The following SCN2A variants were observed in gnomAD, a reference collection of about 807,000 sequenced individuals.
SCN2A encodes the protein sodium voltage-gated channel alpha subunit 2, also known as sodium channel protein type 2 subunit alpha.
A neutral mutation model predicts 188.7 loss-of-function variants in SCN2A; 20 were observed. That is an observed-to-expected ratio of 0.11 (90% confidence interval 0.07 to 0.15). The LOEUF (loss-of-function observed/expected upper bound fraction) is 0.15, where lower values mean the gene tolerates loss of function less well. Among genes scored for constraint, SCN2A ranks in the 10% least tolerant of loss-of-function variants. The probability of loss-of-function intolerance (pLI) is 1.00; values close to 1 mark genes in which losing one functional copy is unlikely to be tolerated. For missense variants in SCN2A, 1,278 were observed against 2,445.0 expected (o/e 0.52, Z 10.07); for synonymous variants, 804 against 833.1 (o/e 0.97, Z 0.60).
intron 1 of SCN2A, among the ~76,000 whole-genome samples, chr2:165,240,714 G>A (rs1482995917): frequency 7.5e-6 from 1 of 133,384 alleles, no homozygotes; most frequent in African/African-American, 2.7e-5. Flanking sequence ...GGTGGCAGGC[G>A]GTGGAGGTGC....
At position 165,354,552 on chromosome 2, in the gene SCN2A, T is replaced by C; in HGVS notation, c.3280T>C (p.Ser1094Pro). ...KYVVDESDYMSFINNPSLTVT... is the reference protein window; with the variant it reads ...KYVVDESDYMPFINNPSLTVT... ...TGTCGTGGATGAAAGTGATTACATG[T>C]CATTTATAAACAACCCTAGCCTCAC... is the stretch of plus-strand genomic sequence containing the variant. The change falls in exon 17 of 27, where the codon TCA (serine) becomes CCA (proline). Residue 1094 changes from serine (S) to proline (P), a missense_variant. Around this residue, in one of 17 missense-constraint regions of SCN2A, gnomAD observed 228 missense variants for 297.3 expected, o/e 0.77. Coordinates refer to ENST00000375437, the MANE Select transcript of SCN2A (RefSeq NM_001040142.2). 6.2e-7 allele frequency: 1 copy of C among 1,614,126 alleles called. No homozygotes were observed. Among genetic ancestry groups the C allele is most frequent in the Non-Finnish European group, 8.5e-7 (1 of 1,179,990 alleles).
intron 19 of SCN2A, among the ~76,000 whole-genome samples, chr2:165,368,924 T>TTTATTA (rs36023130): frequency 5.3e-5 from 8 of 151,094 alleles, no homozygotes; most frequent in Non-Finnish European, 8.9e-5. Context: ...TTTCTTTACC[T>TTTATTA]TTATTATTAT....
chr2:165,354,790 G>C, intron 17 of SCN2A, 119 bp downstream of exon 17: 1 of 993,358 alleles, frequency 1.0e-6, no homozygotes, highest in Non-Finnish European at 1.5e-6. Flanking sequence ...TATCTGTCTA[G>C]CAATATATTT....
At chr2:165,307,816 A>C (rs200618917) in intron 3 of SCN2A, 32 bp from the exon 4 acceptor site, 2 of 1,477,048 alleles carry the variant, frequency 1.4e-6, no homozygotes, top group Non-Finnish European at 1.9e-6. Flanking sequence ...AGATTTTTCC[A>C]TTGAACTTTG....
chr2:165,279,454 G>A (rs546627471), intron 1 of SCN2A, among the ~76,000 whole-genome samples: 1 of 152,136 alleles, frequency 6.6e-6, no homozygotes, highest in Non-Finnish European at 1.5e-5. Context: ...TGAAAGCTAA[G>A]ATCAGAGCAC....
At chr2:165,326,021 A>G (rs942940212) in intron 12 of SCN2A, among the ~76,000 whole-genome samples, 5 of 152,152 alleles carry the variant, frequency 3.3e-5, no homozygotes, top group African/African-American at 1.2e-4. Context: ...AAACTTTTTA[A>G]TTTATTATTA....
intron 1 of SCN2A, chr2:165,272,063 C>T (rs1051717403): frequency 4.6e-5 from 7 of 151,936 alleles, no homozygotes; most frequent in South Asian, 2.1e-4. Context: ...ATTTTCACTA[C>T]TCTTAAGATT....
chr2:165,380,899 TG>T (rs1212643507), intron 24 of SCN2A, 170 bp downstream of exon 24: 3 of 703,942 alleles, frequency 4.3e-6, no homozygotes, highest in Non-Finnish European at 7.1e-6. Context: ...TCAGATAGCA[TG>T]TTTTTGATAT....
chr2:165,288,580 G>A (rs548084721), intron 1 of SCN2A, among the ~76,000 whole-genome samples: 72 of 150,410 alleles, frequency 4.8e-4, no homozygotes, highest in Non-Finnish European at 8.9e-4. Flanking sequence ...AACACTGAAC[G>A]TGAGTTCTTC....
At chr2:165,276,614 T>C (rs1695354861) in intron 1 of SCN2A, among the ~76,000 whole-genome samples, 1 of 152,188 alleles carries the variant, frequency 6.6e-6, no homozygotes, top group Admixed American at 6.5e-5. Flanking sequence ...GTAAGGTCTT[T>C]CCTTACTTCA....
chr2:165,365,316 T>G (rs1483413671), intron 18 of SCN2A, 53 bp downstream of exon 18: 1 of 1,603,318 alleles, frequency 6.2e-7, no homozygotes, highest in Non-Finnish European at 8.5e-7. Context: ...TCTACCCATT[T>G]TTTCCTATTT....
chr2:165,350,820 G>T (rs1476859660), intron 16 of SCN2A, among the ~76,000 whole-genome samples: 1 of 152,108 alleles, frequency 6.6e-6, no homozygotes, highest in Admixed American at 6.5e-5. Flanking sequence ...TGTGCCAGCT[G>T]TTATGCGCAT....
chr2:165,243,129 C>G (rs909300775), intron 1 of SCN2A, among the ~76,000 whole-genome samples: 2 of 152,284 alleles, frequency 1.3e-5, no homozygotes, highest in Middle Eastern at 3.4e-3. Context: ...TCATAACCAC[C>G]TATTTAAAAA....
chr2:165,244,008 G>A (rs112696307), intron 1 of SCN2A, among the ~76,000 whole-genome samples: 43 of 152,094 alleles, frequency 2.8e-4, no homozygotes, highest in African/African-American at 8.7e-4. Flanking sequence ...TCGGGAGGTC[G>A]AGGTAGGCAG....
chr2:165,357,089 T>C (rs1700217778), intron 17 of SCN2A, among the ~76,000 whole-genome samples: 1 of 152,128 alleles, frequency 6.6e-6, no homozygotes, highest in Non-Finnish European at 1.5e-5. Flanking sequence ...TGGCTTTATA[T>C]CAAACTTTCT....
At chr2:165,253,310 A>G (rs755976509) in intron 1 of SCN2A, among the ~76,000 whole-genome samples, 67 of 152,190 alleles carry the variant, frequency 4.4e-4, no homozygotes, top group Non-Finnish European at 7.1e-4. Flanking sequence ...ATTCTTCATG[A>G]CATGCATAGA....
At chr2:165,263,606 G>A (rs1441009338) in intron 1 of SCN2A, among the ~76,000 whole-genome samples, 1 of 152,104 alleles carries the variant, frequency 6.6e-6, no homozygotes, top group African/African-American at 2.4e-5. Context: ...AGTACCTGCT[G>A]TTTTGGTGAC....
intron 16 of SCN2A, 59 bp from the exon 17 acceptor site, chr2:165,354,133 T>G (rs1211491269): frequency 2.5e-6 from 4 of 1,607,090 alleles, no homozygotes; most frequent in Non-Finnish European, 3.4e-6. Context: ...AAACTAATGA[T>G]GGAAAGCAAT....
intron 1 of SCN2A, among the ~76,000 whole-genome samples, chr2:165,261,782 TA>T (rs906423381): frequency 1.3e-5 from 2 of 151,916 alleles, no homozygotes; most frequent in South Asian, 2.1e-4. Context: ...TTTAGATGGT[TA>T]AAAAAAAGGA....
Sources: gnomAD v4.1 joint callset for allele counts (sites outside exome capture counted in the v4.1 genomes callset) on GRCh38, gnomAD v4.1.1 for gene constraint, gnomAD v4.1.1 regional missense constraint, MANE v1.5 for transcripts, NCBI Gene and HGNC (gene_info 2026-07-23, HGNC 2026-07-21) for gene names.